The following NPAS3 variants were observed in gnomAD, a reference collection of about 807,000 sequenced individuals.
The protein encoded by NPAS3 is neuronal PAS domain protein 3, also known as neuronal PAS domain-containing protein 3.
NPAS3 carries 14 observed loss-of-function variants against 73.1 expected under a neutral mutation model. That is an observed-to-expected ratio of 0.19 (90% CI 0.13 to 0.30). The LOEUF (loss-of-function observed/expected upper bound fraction) is 0.30. Ranked by LOEUF, NPAS3 falls within the 10% of genes least tolerant of loss-of-function variation. The probability of loss-of-function intolerance (pLI) is 1.00; values close to 1 mark genes in which losing one functional copy is unlikely to be tolerated. For synonymous variants in NPAS3, 620 were observed against 541.5 expected, an observed-to-expected ratio of 1.14 and a Z score of -2.01; for missense variants, 1,096 against 1,250.0, an observed-to-expected ratio of 0.88 and a Z score of 1.86.
chr14:33,366,188 GTC>G (rs2045832633), intron 3 of NPAS3, among the ~76,000 whole-genome samples: 2 of 152,044 alleles, frequency 1.3e-5, no homozygotes, highest in Non-Finnish European at 2.9e-5. Flanking sequence ...CATCCCTGGA[GTC>G]TCTCTGAATC....
chr14:33,328,403 A>C (rs1160770607), intron 3 of NPAS3, among the ~76,000 whole-genome samples: 1 of 89,704 alleles, frequency 1.1e-5, no homozygotes, highest in Admixed American at 9.6e-5. Flanking sequence ...TTTTTTCTCT[A>C]TTTTATTTAT....
chr14:33,757,880 C>T (rs1175594270), intron 7 of NPAS3, among the ~76,000 whole-genome samples: 1 of 152,180 alleles, frequency 6.6e-6, no homozygotes, highest in Non-Finnish European at 1.5e-5. Context: ...AGAGGCCATT[C>T]CTTTTATTCA....
chr14:33,797,477 C>T (rs1566552281), exon 11 of NPAS3: 3 of 1,614,210 alleles, frequency 1.9e-6, no homozygotes, highest in East Asian at 4.5e-5. Context: ...TACAAGGACA[C>T]ACCCATGGAC....
chr14:33,202,981 T>G (rs2046678382), intron 2 of NPAS3, among the ~76,000 whole-genome samples: 1 of 152,240 alleles, frequency 6.6e-6, no homozygotes, highest in Non-Finnish European at 1.5e-5. Context: ...TTCCCCAATT[T>G]TATGGTGTCT....
intron 5 of NPAS3, among the ~76,000 whole-genome samples, chr14:33,606,517 GC>G (rs2057572088): frequency 6.6e-6 from 1 of 151,846 alleles, no homozygotes; most frequent in African/African-American, 2.4e-5. Context: ...AACAAGTTGT[GC>G]TGGAACAATG....
chr14:33,735,957 G>C (rs1336661083), intron 7 of NPAS3, among the ~76,000 whole-genome samples: 1 of 152,186 alleles, frequency 6.6e-6, no homozygotes, highest in East Asian at 1.9e-4. Context: ...GGATATAAAA[G>C]CCTTCAAATC....
intron 2 of NPAS3, among the ~76,000 whole-genome samples, chr14:33,063,521 T>C (rs1299868316): frequency 6.6e-6 from 1 of 152,192 alleles, no homozygotes; most frequent in Non-Finnish European, 1.5e-5. Flanking sequence ...AGGATTAGTA[T>C]CACTGAATTA....
intron 3 of NPAS3, among the ~76,000 whole-genome samples, chr14:33,337,976 G>T (rs766608366): frequency 2.7e-5 from 4 of 149,028 alleles, no homozygotes; most frequent in Non-Finnish European, 4.5e-5. Context: ...TTTTTTTGTA[G>T]ATTTCTTAGG....
chr14:33,159,255 A>C (rs1015277476), intron 2 of NPAS3, among the ~76,000 whole-genome samples: 4 of 152,172 alleles, frequency 2.6e-5, no homozygotes, highest in Non-Finnish European at 5.9e-5. Flanking sequence ...CCTAAAGCTA[A>C]CTGTCATACA....
chr14:33,110,680 A>G (rs927761), intron 2 of NPAS3, among the ~76,000 whole-genome samples: 41,672 of 152,030 alleles, frequency 0.27, 6,788 homozygotes, highest in Admixed American at 0.45. Flanking sequence ...ACTTTTTAAT[A>G]CTATTCAGCA....
At chr14:33,797,547 T>C (rs1243220834) in exon 11 of NPAS3, 1 of 1,614,064 alleles carries the variant, frequency 6.2e-7, no homozygotes, top group Non-Finnish European at 8.5e-7. Flanking sequence ...CATCCGACTC[T>C]GAGTCAGACT....
At chr14:33,245,135 T>A (rs912771241) in intron 3 of NPAS3, among the ~76,000 whole-genome samples, 2 of 152,166 alleles carry the variant, frequency 1.3e-5, no homozygotes, top group Non-Finnish European at 2.9e-5. Context: ...GATACATTTT[T>A]AAAATATGAT....
chr14:33,035,891 T>C lies in NPAS3; in HGVS notation c.51-20014T>C, dbSNP rs1320222004. On this transcript the variant is annotated intron_variant, in intron 1 of 11. Transcript: ENST00000356141. Reference sequence around the variant, plus strand: ...TCATTTCCTAGTGGATGTGTGGCTTTCATAGAATTGTCACATGGGAGGCCA... The same window carrying C: ...TCATTTCCTAGTGGATGTGTGGCTTCCATAGAATTGTCACATGGGAGGCCA... Among the ~76,000 whole-genome samples, 3 of 152,166 alleles carry C rather than the reference T, an allele frequency of 2.0e-5. No individual in the cohort carries two copies. The East Asian group carries it at 5.8e-4, about 29-fold the overall frequency.
At chr14:33,623,839 T>C in intron 5 of NPAS3, among the ~76,000 whole-genome samples, 1 of 152,218 alleles carries the variant, frequency 6.6e-6, no homozygotes, top group Non-Finnish European at 1.5e-5. Flanking sequence ...TTTTGTTCTT[T>C]ACTTGACTAT....
intron 2 of NPAS3, among the ~76,000 whole-genome samples, chr14:33,088,461 G>A (rs186433978): frequency 2.4e-4 from 36 of 152,314 alleles, no homozygotes; most frequent in Non-Finnish European, 4.0e-4. Flanking sequence ...GTCTGAGATC[G>A]AACTGCAAGG....
chr14:33,436,499 T>C (rs1370368001), intron 4 of NPAS3, among the ~76,000 whole-genome samples: 2 of 152,134 alleles, frequency 1.3e-5, no homozygotes, highest in East Asian at 1.9e-4. Context: ...CCACAAAAAG[T>C]TCCTTCCTGA....
intron 3 of NPAS3, among the ~76,000 whole-genome samples, chr14:33,351,259 G>A (rs576804134): frequency 5.3e-5 from 8 of 152,242 alleles, no homozygotes; most frequent in East Asian, 3.9e-4. Context: ...TCAAATACCC[G>A]CAGCCGTGCA....
chr14:33,514,501 T>G (rs2053209270), intron 4 of NPAS3, among the ~76,000 whole-genome samples: 1 of 151,794 alleles, frequency 6.6e-6, no homozygotes. Flanking sequence ...GTGAATATTC[T>G]TCTCCTAAAA....
At chr14:33,442,157 C>G (rs1174970704) in intron 4 of NPAS3, among the ~76,000 whole-genome samples, 1 of 152,158 alleles carries the variant, frequency 6.6e-6, no homozygotes, top group Non-Finnish European at 1.5e-5. Context: ...AGGACTAAAT[C>G]CTTGATCTAA....
Sources: gnomAD v4.1 joint callset for allele counts (sites outside exome capture counted in the v4.1 genomes callset) on GRCh38, gnomAD v4.1.1 for gene constraint, MANE v1.5 for transcripts, NCBI Gene and HGNC (gene_info 2026-07-23, HGNC 2026-07-21) for gene names.